The following MPPED2 variants were observed in gnomAD, a reference collection of about 807,000 sequenced individuals.
The protein encoded by MPPED2 is metallophosphoesterase domain containing 2, also known as metallophosphoesterase MPPED2.
Under a neutral mutation model 33.0 loss-of-function variants are expected in MPPED2, and 5 were observed. That is an observed-to-expected ratio of 0.15 (90% CI 0.08 to 0.32). The LOEUF (loss-of-function observed/expected upper bound fraction) is 0.32, where lower values mean the gene tolerates loss of function less well. MPPED2 is among the 10% of genes least tolerant of loss of function. MPPED2 has a pLI of 1.00. For missense variants in MPPED2, 275 were observed against 372.1 expected, an observed-to-expected ratio of 0.74 and a Z score of 2.15; for synonymous variants, 136 against 141.9, an observed-to-expected ratio of 0.96 and a Z score of 0.29.
intron 4 of MPPED2, among the ~76,000 whole-genome samples, chr11:30,484,651 A>G (rs1951637716): frequency 6.6e-6 from 1 of 152,184 alleles, no homozygotes; most frequent in African/African-American, 2.4e-5. Context: ...ACTGAAAATG[A>G]TACTCCATGT....
intron 4 of MPPED2, among the ~76,000 whole-genome samples, chr11:30,459,923 A>C (rs964795143): frequency 2.0e-5 from 3 of 152,216 alleles, no homozygotes; most frequent in Admixed American, 2.0e-4. Flanking sequence ...GGCTTGAACT[A>C]TCTGGAGGCA....
At chr11:30,493,370 CAAAAAA>C (rs751635120) in intron 4 of MPPED2, among the ~76,000 whole-genome samples, 2 of 72,188 alleles carry the variant, frequency 2.8e-5, no homozygotes, top group Non-Finnish European at 6.0e-5. Flanking sequence ...GACTCCGTCT[CAAAAAA>C]AAAAAAAAAA....
At chr11:30,499,205 A>G (rs1248619422) in intron 3 of MPPED2, among the ~76,000 whole-genome samples, 2 of 152,034 alleles carry the variant, frequency 1.3e-5, no homozygotes, top group Non-Finnish European at 2.9e-5. Context: ...GGTTCTCTTC[A>G]CTTCTGCCTT....
intron 2 of MPPED2, among the ~76,000 whole-genome samples, chr11:30,560,849 C>T (rs1382860043): frequency 3.3e-5 from 5 of 152,158 alleles, no homozygotes; most frequent in African/African-American, 1.2e-4. Context: ...CATGCTACCC[C>T]CCACCTGGTG....
chr11:30,561,749 G>A (rs1387534505), intron 2 of MPPED2, among the ~76,000 whole-genome samples: 1 of 152,178 alleles, frequency 6.6e-6, no homozygotes, highest in East Asian at 1.9e-4. Flanking sequence ...GGCTAAAAGT[G>A]CTCCTTGTGG....
chr11:30,529,284 A>G (rs1954379102), intron 3 of MPPED2, among the ~76,000 whole-genome samples: 1 of 152,246 alleles, frequency 6.6e-6, no homozygotes, highest in Admixed American at 6.5e-5. Flanking sequence ...TATACATCAA[A>G]TAGTAAGTAA....
intron 4 of MPPED2, among the ~76,000 whole-genome samples, chr11:30,484,057 A>G (rs1157420058): frequency 6.6e-6 from 1 of 152,236 alleles, no homozygotes; most frequent in Non-Finnish European, 1.5e-5. Context: ...TTTCCTTTAC[A>G]AATATAGCAT....
intron 3 of MPPED2, among the ~76,000 whole-genome samples, chr11:30,521,759 T>C (rs1953889531): frequency 1.3e-5 from 2 of 152,206 alleles, no homozygotes; most frequent in Admixed American, 6.5e-5. Context: ...ACGTGGCTAC[T>C]AGTCTCCAGG....
chr11:30,568,849 G>A lies in MPPED2; in HGVS notation c.128+11397C>T, dbSNP rs375045280. Among the ~76,000 whole-genome samples the A allele has an allele frequency of 2.6e-4, 40 of 152,220 alleles. 1 individual carries two copies. The East Asian group carries it at 6.8e-3, about 26-fold the overall frequency. ...CAGTGCAAATCCTGGCTGCACTAGTGGGATCTCACTGAGCCCATCTGAAAA... is the reference window on the plus strand; with the variant it reads ...CAGTGCAAATCCTGGCTGCACTAGTAGGATCTCACTGAGCCCATCTGAAAA... On this transcript the variant is annotated intron_variant, in intron 2 of 6. Transcript: ENST00000358117.
intron 2 of MPPED2, among the ~76,000 whole-genome samples, chr11:30,575,587 T>C (rs1956895305): frequency 6.6e-6 from 1 of 152,344 alleles, no homozygotes. Context: ...AAGCTGTGCC[T>C]TTTGCACTCA....
intron 2 of MPPED2, among the ~76,000 whole-genome samples, chr11:30,571,470 C>A (rs1273674838): frequency 6.6e-6 from 1 of 151,826 alleles, no homozygotes; most frequent in East Asian, 1.9e-4. Context: ...CTAAGTGTAC[C>A]TTTTACATTA....
At chr11:30,561,678 G>A (rs559142911) in intron 2 of MPPED2, among the ~76,000 whole-genome samples, 1 of 152,122 alleles carries the variant, frequency 6.6e-6, no homozygotes, top group African/African-American at 2.4e-5. Flanking sequence ...CCAACATAAA[G>A]AAGTTTAATG....
chr11:30,411,096 G>T lies in MPPED2; in HGVS notation c.*372C>A. ...TACTCTTAAACAGTTGTGCAAATCT[G>T]TGTTGGTTTTTAAAACACTGCCTGT... On this transcript the variant is annotated 3_prime_UTR_variant, in exon 7 of 7. Transcript: ENST00000358117. 2.0e-6 allele frequency: 2 copies of T among 990,104 alleles called. No homozygotes were observed. The highest frequency in any genetic ancestry group is 2.4e-6 in the Non-Finnish European group (2 of 832,674). 61.3% of individuals were successfully genotyped at this position (990,104 alleles called of 1,614,324 possible).
At chr11:30,464,902 G>A (rs186504683) in intron 4 of MPPED2, among the ~76,000 whole-genome samples, 25 of 152,204 alleles carry the variant, frequency 1.6e-4, no homozygotes, top group African/African-American at 5.3e-4. Flanking sequence ...TCACAGGCTC[G>A]TTCAATTCAA....
At chr11:30,554,559 A>G (rs985906136) in intron 2 of MPPED2, among the ~76,000 whole-genome samples, 1 of 151,938 alleles carries the variant, frequency 6.6e-6, no homozygotes, top group African/African-American at 2.4e-5. Context: ...CAGTGGCACC[A>G]TCTCAGCTGC....
At chr11:30,543,766 T>C (rs1324604735) in intron 2 of MPPED2, among the ~76,000 whole-genome samples, 1 of 148,058 alleles carries the variant, frequency 6.8e-6, no homozygotes, top group Admixed American at 6.7e-5. Flanking sequence ...GTGATTGAAC[T>C]AAGGCGTTCC....
chr11:30,521,450 C>T (rs1215340800), intron 3 of MPPED2, among the ~76,000 whole-genome samples: 1 of 152,178 alleles, frequency 6.6e-6, no homozygotes, highest in African/African-American at 2.4e-5. Context: ...AGGCCAGAAA[C>T]ACACAGAGTA....
chr11:30,433,813 G>A (rs1565063778), intron 4 of MPPED2, among the ~76,000 whole-genome samples: 1 of 152,136 alleles, frequency 6.6e-6, no homozygotes, highest in Non-Finnish European at 1.5e-5. Context: ...GGTTTCCTAT[G>A]GCTGCTGTAA....
intron 4 of MPPED2, among the ~76,000 whole-genome samples, chr11:30,440,292 T>C (rs1013876566): frequency 1.6e-4 from 24 of 150,838 alleles, no homozygotes; most frequent in African/African-American, 5.9e-4. Context: ...GTCGCGCCAC[T>C]GCACTCCAGC....
Sources: allele counts gnomAD v4.1 joint callset (sites outside exome capture counted in the v4.1 genomes callset), GRCh38; gene constraint gnomAD v4.1.1; transcripts MANE v1.5; gene names NCBI Gene and HGNC (gene_info 2026-07-23, HGNC 2026-07-21).